Variants in RIMS2 observed in about 807,000 individuals in gnomAD.
The protein encoded by RIMS2 is regulating synaptic membrane exocytosis protein 2.
Under a neutral mutation model 174.4 loss-of-function variants are expected in RIMS2, and 59 were observed. The observed-to-expected ratio is 0.34, with a 90% confidence interval of 0.27 to 0.42. The LOEUF (loss-of-function observed/expected upper bound fraction) is 0.42. RIMS2 is among the 10% of genes least tolerant of loss of function. The pLI is 1.00. For missense variants in RIMS2, 1,620 were observed against 1,666.3 expected (o/e 0.97, Z 0.48); for synonymous variants, 606 against 572.5 (o/e 1.06, Z -0.84).
At chr8:103,943,651 T>G (rs919568718) in intron 14 of RIMS2, among the ~76,000 whole-genome samples, 2 of 152,120 alleles carry the variant, frequency 1.3e-5, no homozygotes, top group Non-Finnish European at 2.9e-5. Flanking sequence ...CTCAGAAATA[T>G]TTTCCAGATT....
intron 1 of RIMS2, among the ~76,000 whole-genome samples, chr8:103,582,936 G>A (rs2093697458): frequency 6.6e-6 from 1 of 152,194 alleles, no homozygotes; most frequent in Non-Finnish European, 1.5e-5. Context: ...AGGACCTTGA[G>A]CAAAATAGGA....
At chr8:104,032,143 A>C (rs564586008) in intron 19 of RIMS2, among the ~76,000 whole-genome samples, 2 of 152,084 alleles carry the variant, frequency 1.3e-5, no homozygotes, top group African/African-American at 2.4e-5. Flanking sequence ...TCAATATACT[A>C]TCTAAAGTTT....
chr8:103,982,068 A>G (rs1008446745), intron 16 of RIMS2, among the ~76,000 whole-genome samples: 8 of 152,178 alleles, frequency 5.3e-5, no homozygotes, highest in African/African-American at 1.7e-4. Flanking sequence ...ATGAATAAGG[A>G]CACATTACAA....
At chr8:104,142,340 G>A (rs1004926514) in intron 19 of RIMS2, among the ~76,000 whole-genome samples, 2 of 151,854 alleles carry the variant, frequency 1.3e-5, no homozygotes, top group Admixed American at 1.3e-4. Flanking sequence ...TGTTGGCCAG[G>A]CTGGTTTCAA....
At chr8:103,649,638 C>A (rs971130685) in intron 1 of RIMS2, among the ~76,000 whole-genome samples, 1 of 148,122 alleles carries the variant, frequency 6.8e-6, no homozygotes, top group African/African-American at 2.5e-5. Flanking sequence ...TTTGTTCATG[C>A]CTTTTCATTC....
At chr8:104,252,072 A>G (rs970668472), downstream of RIMS2, 1 of 508,682 alleles carries the variant, frequency 2.0e-6, no homozygotes, top group African/African-American at 1.9e-5. Context: ...TTCTGGTCCA[A>G]TCTGAAGCCA....
intron 2 of RIMS2, among the ~76,000 whole-genome samples, chr8:103,733,410 T>G (rs779991025): frequency 6.6e-6 from 1 of 151,890 alleles, no homozygotes; most frequent in Non-Finnish European, 1.5e-5. Context: ...GCACTCCCCT[T>G]GCCACCTCAG....
chr8:103,983,711 CTT>C (rs1249999866), intron 16 of RIMS2, among the ~76,000 whole-genome samples: 1 of 152,140 alleles, frequency 6.6e-6, no homozygotes, highest in Non-Finnish European at 1.5e-5. Flanking sequence ...AATAATGAAA[CTT>C]GACCCCTATC....
chr8:103,631,512 C>T (rs7817957), intron 1 of RIMS2, among the ~76,000 whole-genome samples: 26,765 of 152,046 alleles, frequency 0.18, 2,542 homozygotes, highest in African/African-American at 0.24. Context: ...GTACCAGTAC[C>T]GAGCTGTTTG....
At chr8:104,161,884 T>C (rs1586212194) in intron 19 of RIMS2, among the ~76,000 whole-genome samples, 1 of 152,230 alleles carries the variant, frequency 6.6e-6, no homozygotes, top group South Asian at 2.1e-4. Flanking sequence ...CCTGGACATA[T>C]GACCTCCTTC....
At chr8:103,997,951 G>A (rs1270806657) in intron 17 of RIMS2, among the ~76,000 whole-genome samples, 3 of 151,058 alleles carry the variant, frequency 2.0e-5, no homozygotes, top group African/African-American at 7.3e-5. Context: ...AGTAATAACT[G>A]ATGTTATATT....
At chr8:103,928,469 C>T (rs2079203821) in intron 11 of RIMS2, among the ~76,000 whole-genome samples, 1 of 151,222 alleles carries the variant, frequency 6.6e-6, no homozygotes, top group Non-Finnish European at 1.5e-5. Flanking sequence ...AACATTTTGC[C>T]ATTGTTTTAT....
At chr8:103,753,797 C>A (rs189209504) in intron 2 of RIMS2, among the ~76,000 whole-genome samples, 2 of 151,922 alleles carry the variant, frequency 1.3e-5, no homozygotes, top group Admixed American at 6.6e-5. Flanking sequence ...TTTTTTATTG[C>A]GTCTATTTGA....
chr8:103,738,301 A>T lies in RIMS2; in HGVS notation c.388-27926A>T, dbSNP rs550460089. Among the ~76,000 whole-genome samples, 22 of 152,326 alleles carry T rather than the reference A, an allele frequency of 1.4e-4. No homozygotes were observed. The East Asian group carries it at 2.9e-3, about 20-fold the overall frequency. ...AAGATTTTAAATTTCAGTCACTTTG[A>T]TTTAAACTTCAAAAACTGGCTAGCC... On this transcript the variant is annotated intron_variant, in intron 2 of 23. Coordinates refer to ENST00000504942, the Ensembl canonical transcript of RIMS2.
At chr8:103,885,729 A>G (rs1378100386) in exon 4 of RIMS2, 2 of 1,613,050 alleles carry the variant, frequency 1.2e-6, no homozygotes, top group African/African-American at 2.7e-5. Flanking sequence ...GCAAATGCTG[A>G]TCTGGAAGAT....
intron 4 of RIMS2, among the ~76,000 whole-genome samples, chr8:103,892,645 C>A (rs2154521906): frequency 6.6e-6 from 1 of 152,170 alleles, no homozygotes; most frequent in South Asian, 2.1e-4. Flanking sequence ...AGTCTTAGGA[C>A]TTTACCCTTG....
chr8:104,052,618 G>A (rs895307140), intron 19 of RIMS2, among the ~76,000 whole-genome samples: 4 of 152,172 alleles, frequency 2.6e-5, no homozygotes, highest in Non-Finnish European at 5.9e-5. Flanking sequence ...TAGATTCTAG[G>A]TATTGTAGAT....
intron 1 of RIMS2, among the ~76,000 whole-genome samples, chr8:103,638,661 G>A (rs533924736): frequency 4.0e-5 from 6 of 151,616 alleles, no homozygotes; most frequent in Non-Finnish European, 8.8e-5. Context: ...TCATTTTCTG[G>A]CATTACAAGA....
At chr8:103,750,729 C>T (rs1416178163) in intron 2 of RIMS2, among the ~76,000 whole-genome samples, 2 of 152,074 alleles carry the variant, frequency 1.3e-5, no homozygotes, top group East Asian at 1.9e-4. Context: ...GGCATTTCCC[C>T]TGCTGGCACT....
Sources: allele counts gnomAD v4.1 joint callset (sites outside exome capture counted in the v4.1 genomes callset), GRCh38; gene constraint gnomAD v4.1.1; transcripts MANE v1.5; gene names NCBI Gene and HGNC (gene_info 2026-07-23, HGNC 2026-07-21).